The following DGKB variants were observed in gnomAD, a reference collection of about 807,000 sequenced individuals.
The protein encoded by DGKB is 90 kDa diacylglycerol kinase.
In DGKB, 67 loss-of-function variants were observed where a neutral mutation model predicts 114.3. The ratio of observed to expected loss-of-function variants is 0.59; its 90% CI spans 0.48 to 0.72. The LOEUF is 0.72. DGKB is among the 30% of genes least tolerant of loss of function. DGKB has a pLI of 0.00. For missense variants in DGKB, 907 were observed against 975.2 expected, an observed-to-expected ratio of 0.93 and a Z score of 0.93; for synonymous variants, 398 against 323.1, an observed-to-expected ratio of 1.23 and a Z score of -2.49.
At position 14,534,169 on chromosome 7, in the gene DGKB, G is replaced by A. The variant is rs148889466; in HGVS notation, c.1770+40043C>T. 4.4e-3 allele frequency among the ~76,000 whole-genome samples: 670 copies of A among 152,030 alleles called. 1 individual carries two copies. The highest frequency in any genetic ancestry group is 7.6e-3 in the Non-Finnish European group (516 of 67,882). On this transcript the variant is annotated intron_variant, in intron 20 of 25. Coordinates refer to ENST00000402815, the MANE Select transcript of DGKB (RefSeq NM_001350709.2). ...CTCTGATAACAATAACAAACTACAC[G>A]TGGAGGAGAATAAAAGTATAGAGGG...
At chr7:14,647,734 G>A (rs1027494594) in intron 13 of DGKB, among the ~76,000 whole-genome samples, 10 of 152,304 alleles carry the variant, frequency 6.6e-5, no homozygotes, top group East Asian at 1.9e-4. Context: ...CTGAGGTACC[G>A]GGTTCATCTC....
At chr7:14,528,861 G>A (rs542344352) in intron 20 of DGKB, among the ~76,000 whole-genome samples, 4 of 151,960 alleles carry the variant, frequency 2.6e-5, no homozygotes, top group Admixed American at 6.6e-5. Context: ...ATAAAATTCC[G>A]TTGCATATTT....
chr7:14,289,681 C>T (rs1017918013), intron 23 of DGKB, among the ~76,000 whole-genome samples: 20 of 149,914 alleles, frequency 1.3e-4, no homozygotes, highest in African/African-American at 4.7e-4. Flanking sequence ...TTTTAAAAGT[C>T]CCTTTCTTTA....
intron 2 of DGKB, among the ~76,000 whole-genome samples, chr7:14,829,905 C>T (rs557067012): frequency 2.0e-5 from 3 of 152,046 alleles, no homozygotes; most frequent in Non-Finnish European, 2.9e-5. Flanking sequence ...CCCAGAAATG[C>T]TGAGAGCAAT....
intron 1 of DGKB, among the ~76,000 whole-genome samples, chr7:14,942,117 C>CT (rs1255245819): frequency 0.022 from 3,146 of 145,818 alleles, 102 homozygotes; most frequent in African/African-American, 0.071. Context: ...ATTAAAAAAA[C>CT]TTTTTTTTTT....
intron 2 of DGKB, among the ~76,000 whole-genome samples, chr7:14,773,236 T>C (rs1212412757): frequency 6.6e-6 from 1 of 152,098 alleles, no homozygotes; most frequent in African/African-American, 2.4e-5. Context: ...TACGAAAAAG[T>C]CTTTGTTGAG....
At chr7:14,575,099 T>C (rs1161881847) in intron 19 of DGKB, among the ~76,000 whole-genome samples, 3 of 152,194 alleles carry the variant, frequency 2.0e-5, no homozygotes, top group Non-Finnish European at 2.9e-5. Flanking sequence ...TATCCCAGCC[T>C]GGGTGACAGA....
chr7:14,706,412 C>T (rs1412799150), intron 6 of DGKB, among the ~76,000 whole-genome samples: 2 of 148,020 alleles, frequency 1.4e-5, no homozygotes, highest in South Asian at 4.3e-4. Flanking sequence ...ATCAACGAGA[C>T]AGAAAGTCAA....
chr7:14,965,021 A>T, intron 1 of DGKB, among the ~76,000 whole-genome samples: 1 of 152,164 alleles, frequency 6.6e-6, no homozygotes, highest in Non-Finnish European at 1.5e-5. Flanking sequence ...GAGGGAATGG[A>T]TTCACAATAT....
At chr7:14,795,284 G>A (rs949578188) in intron 2 of DGKB, among the ~76,000 whole-genome samples, 1 of 152,192 alleles carries the variant, frequency 6.6e-6, no homozygotes, top group Non-Finnish European at 1.5e-5. Context: ...TGCATTAAAT[G>A]TTGCAGCTTG....
chr7:14,157,958 A>G (rs1022017111), intron 25 of DGKB, among the ~76,000 whole-genome samples: 4 of 152,206 alleles, frequency 2.6e-5, no homozygotes, highest in Non-Finnish European at 5.9e-5. Flanking sequence ...AATTTTCTAT[A>G]TGGCCTTTTT....
chr7:14,852,411 T>C (rs184675895), intron 1 of DGKB, among the ~76,000 whole-genome samples: 194 of 138,362 alleles, frequency 1.4e-3, no homozygotes, highest in African/African-American at 5.0e-3. Context: ...GCTTTGGTAG[T>C]TGAATATAAA....
chr7:14,169,016 A>C (rs1048625674), intron 25 of DGKB, among the ~76,000 whole-genome samples: 1 of 152,176 alleles, frequency 6.6e-6, no homozygotes, highest in Non-Finnish European at 1.5e-5. Context: ...TAAAAGGGGA[A>C]AATTATGTGT....
chr7:14,905,979 C>G (rs537796381), upstream of DGKB, among the ~76,000 whole-genome samples: 1 of 152,058 alleles, frequency 6.6e-6, no homozygotes, highest in Non-Finnish European at 1.5e-5. Flanking sequence ...TCTAAGTGTC[C>G]TTTCATATCT....
At chr7:14,666,314 C>A (rs1818012707) in intron 13 of DGKB, among the ~76,000 whole-genome samples, 1 of 151,790 alleles carries the variant, frequency 6.6e-6, no homozygotes, top group African/African-American at 2.4e-5. Context: ...TGCTGAAGCC[C>A]AATTTAATTT....
chr7:14,858,308 GACT>G (rs1266982712), intron 1 of DGKB, among the ~76,000 whole-genome samples: 6 of 152,106 alleles, frequency 3.9e-5, no homozygotes, highest in Admixed American at 3.9e-4. Context: ...GTTCAAGAAT[GACT>G]ACAATTTAAC....
intron 7 of DGKB, among the ~76,000 whole-genome samples, 181 bp from the exon 8 acceptor site, chr7:14,698,350 C>T (rs138328710): frequency 6.6e-6 from 1 of 152,136 alleles, no homozygotes; most frequent in East Asian, 1.9e-4. Flanking sequence ...AAAAAAGAAT[C>T]CTGAATATAA....
rs1416187874 is a variant in DGKB at position 14,455,803 on chromosome 7, T to C, written c.1835+22358A>G. On this transcript the variant is annotated intron_variant, in intron 21 of 25. Transcript: ENST00000402815. ...AATTTTTAAGAAGAGGAAATTACCT[T>C]TGGTTATTTAAAGCTAGAAAAGATT... 2.0e-5 allele frequency among the ~76,000 whole-genome samples: 3 copies of C among 151,970 alleles called. No homozygotes were observed. The East Asian group carries it at 5.8e-4, about 29-fold the overall frequency.
At chr7:14,452,730 CAT>C (rs1237731626) in intron 21 of DGKB, among the ~76,000 whole-genome samples, 2 of 152,046 alleles carry the variant, frequency 1.3e-5, no homozygotes, top group Non-Finnish European at 2.9e-5. Flanking sequence ...AATTTACAAT[CAT>C]GTGTCACTTT....
Sources: gnomAD v4.1 joint callset for allele counts (sites outside exome capture counted in the v4.1 genomes callset) on GRCh38, gnomAD v4.1.1 for gene constraint, MANE v1.5 for transcripts, NCBI Gene and HGNC (gene_info 2026-07-23, HGNC 2026-07-21) for gene names.